Variants in ARMC9 observed in about 807,000 individuals in gnomAD.
The protein encoded by ARMC9 is armadillo repeat containing 9.
In ARMC9, 94 loss-of-function variants were observed where a neutral mutation model predicts 107.0. That is an observed-to-expected ratio of 0.88 (90% CI 0.74 to 1.04). The LOEUF (loss-of-function observed/expected upper bound fraction) is 1.04, where lower values mean the gene tolerates loss of function less well. Ranked by LOEUF, ARMC9 falls within the 50% of genes least tolerant of loss-of-function variation. The pLI, the probability that ARMC9 is intolerant of heterozygous loss-of-function variation, is 0.00. For missense variants in ARMC9, 942 were observed against 1,030.1 expected, an observed-to-expected ratio of 0.91 and a Z score of 1.17; for synonymous variants, 380 against 396.9, an observed-to-expected ratio of 0.96 and a Z score of 0.51.
intron 10 of ARMC9, 132 bp from the exon 11 acceptor site, chr2:231,258,859 T>G: frequency 1.3e-6 from 1 of 772,136 alleles, no homozygotes; most frequent in South Asian, 1.8e-5. Flanking sequence ...GCCCTCCAAG[T>G]GGAAGCCGGG....
At chr2:231,287,470 A>G (rs973642903) in intron 17 of ARMC9, among the ~76,000 whole-genome samples, 2 of 152,240 alleles carry the variant, frequency 1.3e-5, no homozygotes, top group African/African-American at 4.8e-5. Flanking sequence ...CAGGTGTCAC[A>G]GTTGTCCATT....
At chr2:231,205,401 C>A (rs1419478801) in intron 1 of ARMC9, among the ~76,000 whole-genome samples, 3 of 152,054 alleles carry the variant, frequency 2.0e-5, no homozygotes, top group Non-Finnish European at 4.4e-5. Flanking sequence ...CTGACACATT[C>A]TGAATTTTAT....
At position 231,260,574 on chromosome 2, in the gene ARMC9, C is replaced by T. The variant is rs557497459; in HGVS notation, c.1026+1472C>T. On this transcript the variant is annotated intron_variant, in intron 11 of 24. Transcript: ENST00000611582. ...CTGAAGTACGTCTTGAGGACTCGGA[C>T]GACGTATCCAGGATCCACAGGAAGA... Among the ~76,000 whole-genome samples, 69 of 152,266 alleles carry T rather than the reference C, an allele frequency of 4.5e-4. 1 individual carries two copies. The South Asian group carries it at 0.013, about 28-fold the overall frequency.
intron 19 of ARMC9, among the ~76,000 whole-genome samples, chr2:231,327,636 C>T (rs530919847): frequency 2.2e-4 from 33 of 152,332 alleles, no homozygotes; most frequent in African/African-American, 7.7e-4. Context: ...TGCCATGAAA[C>T]ATTCATATAC....
chr2:231,349,740 C>A (rs1281521995), intron 21 of ARMC9, among the ~76,000 whole-genome samples: 1 of 151,962 alleles, frequency 6.6e-6, no homozygotes, highest in East Asian at 1.9e-4. Flanking sequence ...GAGATCACAC[C>A]ACTGCAATCC....
intron 19 of ARMC9, among the ~76,000 whole-genome samples, chr2:231,302,312 T>C (rs2041781399): frequency 6.6e-6 from 1 of 151,596 alleles, no homozygotes; most frequent in South Asian, 2.1e-4. Context: ...TGTTAAATAT[T>C]AAAATATTAA....
intron 12 of ARMC9, among the ~76,000 whole-genome samples, chr2:231,264,234 A>T (rs561045638): frequency 5.9e-4 from 90 of 152,322 alleles, no homozygotes; most frequent in African/African-American, 2.1e-3. Context: ...GTTGGAGTGC[A>T]GTGGTGCAAT....
intron 7 of ARMC9, among the ~76,000 whole-genome samples, chr2:231,230,131 G>C (rs1297270483): frequency 6.6e-6 from 1 of 152,160 alleles, no homozygotes; most frequent in African/African-American, 2.4e-5. Flanking sequence ...GGAGGCTGAA[G>C]TGGGAGGATA....
chr2:231,293,965 A>G (rs2041195048), intron 18 of ARMC9: 1 of 152,166 alleles, frequency 6.6e-6, no homozygotes, highest in South Asian at 2.1e-4. Context: ...CAGAGTACAA[A>G]TTGTTGCTAG....
chr2:231,222,305 G>C (rs1044001460), intron 5 of ARMC9, among the ~76,000 whole-genome samples: 1 of 152,112 alleles, frequency 6.6e-6, no homozygotes, highest in Non-Finnish European at 1.5e-5. Flanking sequence ...ATCTAGACGA[G>C]GTTTGTGGAA....
chr2:231,361,476 AAAG>A (rs1456489258), intron 23 of ARMC9, among the ~76,000 whole-genome samples: 2 of 151,582 alleles, frequency 1.3e-5, no homozygotes, highest in African/African-American at 2.4e-5. Flanking sequence ...AAAAAAAAGA[AAAG>A]AAAAAACTGG....
rs530554421 is a variant in ARMC9 at position 231,306,405 on chromosome 2, T to C, written c.1773+10152T>C. ...ATATCCAGAATCATTTGGAGAATAATCCAATGTGAATAAATTCAAATGTGA... is the reference window on the plus strand; with the variant it reads ...ATATCCAGAATCATTTGGAGAATAACCCAATGTGAATAAATTCAAATGTGA... On this transcript the variant is annotated intron_variant, in intron 19 of 24. Coordinates refer to ENST00000611582, the MANE Select transcript of ARMC9 (RefSeq NM_001352754.2). Among the ~76,000 whole-genome samples, 8 of 152,290 alleles carry C rather than the reference T, an allele frequency of 5.3e-5. No individual in the cohort carries two copies. The South Asian group carries it at 1.7e-3, about 32-fold the overall frequency.
intron 3 of ARMC9, among the ~76,000 whole-genome samples, chr2:231,211,399 G>T (rs1218668465): frequency 2.0e-5 from 3 of 152,020 alleles, no homozygotes; most frequent in Non-Finnish European, 2.9e-5. Flanking sequence ...GGGCATAGTG[G>T]CAGGCACCTG....
chr2:231,246,448 G>A lies in ARMC9; in HGVS notation c.879+6407G>A, dbSNP rs551898821. ...TTAGCTTCCACTTAGAAGTAAGAGC[G>A]TGTGGTGTTAGGTTTTCTTTTCCTG... is the stretch of plus-strand genomic sequence containing the variant. On this transcript the variant is annotated intron_variant, in intron 9 of 24. Transcript: ENST00000611582. Among the ~76,000 whole-genome samples, 4 of 152,282 alleles carry A rather than the reference G, an allele frequency of 2.6e-5. No homozygotes were observed. In the East Asian group the frequency reaches 5.8e-4, roughly 22 times the overall value.
chr2:231,203,351 C>G (rs1347730443), intron 1 of ARMC9, among the ~76,000 whole-genome samples: 1 of 152,146 alleles, frequency 6.6e-6, no homozygotes, highest in Non-Finnish European at 1.5e-5. Context: ...TCCCTTCTTC[C>G]CCTCATGTCC....
At chr2:231,272,109 C>T (rs898819877) in intron 13 of ARMC9, among the ~76,000 whole-genome samples, 3 of 150,914 alleles carry the variant, frequency 2.0e-5, no homozygotes, top group South Asian at 4.2e-4. Flanking sequence ...ATAAAACCAA[C>T]GTTTAACGTT....
intron 5 of ARMC9, among the ~76,000 whole-genome samples, chr2:231,220,693 G>A (rs536074920): frequency 1.2e-4 from 18 of 149,338 alleles, no homozygotes; most frequent in African/African-American, 4.4e-4. Context: ...GACCCACCAC[G>A]CCCAGCTTGG....
chr2:231,283,250 C>A (rs1479542228), intron 17 of ARMC9, among the ~76,000 whole-genome samples: 1 of 151,810 alleles, frequency 6.6e-6, no homozygotes, highest in African/African-American at 2.4e-5. Flanking sequence ...CAGAAGGAGA[C>A]GAATGTGAGC....
At chr2:231,296,355 G>C (rs926737903) in intron 19 of ARMC9, 102 bp downstream of exon 19, 6 of 1,033,400 alleles carry the variant, frequency 5.8e-6, no homozygotes, top group Non-Finnish European at 8.7e-6. Flanking sequence ...TTTCATTCCT[G>C]CTACACTATT....
Sources: gnomAD v4.1 joint callset for allele counts (sites outside exome capture counted in the v4.1 genomes callset) on GRCh38, gnomAD v4.1.1 for gene constraint, MANE v1.5 for transcripts, NCBI Gene and HGNC (gene_info 2026-07-23, HGNC 2026-07-21) for gene names.